Variants in BEGAIN observed in about 807,000 individuals in gnomAD.
BEGAIN encodes brain-enriched guanylate kinase-associated protein.
A neutral mutation model predicts 35.8 loss-of-function variants in BEGAIN; 19 were observed. The observed-to-expected ratio is 0.53, with a 90% CI of 0.37 to 0.78. The LOEUF is 0.78. BEGAIN is among the 30% of genes least tolerant of loss of function. The probability of loss-of-function intolerance (pLI) is 0.00; values close to 1 mark genes in which losing one functional copy is unlikely to be tolerated. For synonymous variants in BEGAIN, 462 were observed against 388.6 expected, an observed-to-expected ratio of 1.19 and a Z score of -2.22; for missense variants, 795 against 853.6, an observed-to-expected ratio of 0.93 and a Z score of 0.85.
chr14:100,574,810 G>C (rs1221002376), intron 1 of BEGAIN, among the ~76,000 whole-genome samples: 3 of 152,192 alleles, frequency 2.0e-5, no homozygotes, highest in African/African-American at 7.2e-5. Context: ...CAGCCGGAAA[G>C]CCTCTCAGAC....
rs997403481 is a variant in BEGAIN at position 100,552,960 on chromosome 14, A to T, written c.72-6298T>A. Among the ~76,000 whole-genome samples the T allele has an allele frequency of 4.0e-5, 6 of 151,232 alleles. 1 individual carries two copies. The highest frequency in any genetic ancestry group is 1.5e-4 in the African/African-American group (6 of 41,078). On this transcript the variant is annotated intron_variant, in intron 2 of 6. Coordinates refer to ENST00000554140, the MANE Select transcript of BEGAIN (RefSeq NM_001385089.1). ...TGGACATGGGTGTAGTCACGTGGGG[A>T]GCAGCTGCCACCTGGGCCCTGTGTG... is the stretch of plus-strand genomic sequence containing the variant.
At chr14:100,546,979 T>C (rs927140816) in intron 2 of BEGAIN, 2 of 242,046 alleles carry the variant, frequency 8.3e-6, no homozygotes, top group Non-Finnish European at 1.6e-5. Context: ...CCCCAGAACC[T>C]GGCCAGTGTG....
Position 100,575,016 on chromosome 14 carries a change from A to G in BEGAIN, c.43-7077T>C, listed in dbSNP as rs56397574. Among the ~76,000 whole-genome samples the G allele has an allele frequency of 7.6e-3, 1,150 of 152,278 alleles. 12 individuals carry two copies. Among genetic ancestry groups the G allele is most frequent in the Admixed American group, 0.013 (199 of 15,300 alleles). ...TAACCGGCGGTCCTAGAGACCTTCT[A>G]CAGTAGCCTCTTGTTTGCTGACCAG... On this transcript the variant is annotated intron_variant, in intron 1 of 6. Coordinates refer to ENST00000554140, the MANE Select transcript of BEGAIN (RefSeq NM_001385089.1).
In BEGAIN at chr14:100,563,051, G is replaced by A. The variant is rs1023043079; in HGVS notation, c.71+4860C>T. On this transcript the variant is annotated intron_variant, in intron 2 of 6. Coordinates refer to ENST00000554140, the MANE Select transcript of BEGAIN (RefSeq NM_001385089.1). The surrounding 1 kb of genome is among the most constrained non-coding windows in gnomAD (Gnocchi z 4.2). ...CTTTGAGGGGGGGCGTGGAGGGGCA[G>A]GGCAGGACAGGGTCAGGACCTTCGA... 6.6e-6 allele frequency among the ~76,000 whole-genome samples: 1 copy of A among 152,196 alleles called. No individual in the cohort carries two copies. The highest frequency in any genetic ancestry group is 2.4e-5 in the African/African-American group (1 of 41,448).
In BEGAIN at chr14:100,537,675, A is replaced by C; in HGVS notation, c.*294T>G. On this transcript the variant is annotated 3_prime_UTR_variant, in exon 7 of 7. Transcript: ENST00000554140. ...GCGTTAAGAAAGACCCTTTTTCTCT[A>C]TAAAAATAGTTTCGCTTTATAAAAG... 2.5e-6 allele frequency: 1 copy of C among 396,122 alleles called. No homozygotes were observed. The highest frequency in any genetic ancestry group is 4.5e-6 in the Non-Finnish European group (1 of 222,970). 24.5% of individuals were successfully genotyped at this position (396,122 alleles called of 1,614,324 possible). A position where few individuals can be genotyped will look rare whatever the true frequency, so the allele number is the denominator to read the frequency against.
chr14:100,543,885 C>A lies in BEGAIN; in HGVS notation c.381G>T (p.Val127=). The change falls in exon 5 of 7, where the codon GTG becomes GTT. Residue 127 remains valine, a synonymous_variant. Transcript: ENST00000554140. ...TGTCCTCTGACAGCTTGTCGATGGT[C>A]ACCTTGGCTTCTAGCAGATGGCTGT... is the stretch of plus-strand genomic sequence containing the variant. The part of the protein sequence containing the change: ...ALNSHLLEAK[V]TIDKLSEDNE... The A allele has an allele frequency of 6.2e-7, 1 of 1,613,662 alleles. No homozygotes were observed. Among genetic ancestry groups the A allele is most frequent in the Non-Finnish European group, 8.5e-7 (1 of 1,179,892 alleles).
At position 100,586,535 on chromosome 14, in the gene BEGAIN, C is replaced by T. The variant is rs1366907730; in HGVS notation, c.42+714G>A. ...GGGGCACAGACGAGGAAGGAAACACCTCTAAACCAAGCAGGAAGCGGAAAC... is the reference window on the plus strand; with the variant it reads ...GGGGCACAGACGAGGAAGGAAACACTTCTAAACCAAGCAGGAAGCGGAAAC... On this transcript the variant is annotated intron_variant, in intron 1 of 6. Transcript: ENST00000554140. This position sits in a 1 kb window ranked among gnomAD's most constrained non-coding sequence, Gnocchi z 4.9. Among the ~76,000 whole-genome samples the T allele has an allele frequency of 2.6e-5, 4 of 152,150 alleles. No homozygotes were observed. Among genetic ancestry groups the T allele is most frequent in the Non-Finnish European group, 4.4e-5 (3 of 68,024 alleles).
chr14:100,556,621 C>T (rs1270280509), intron 2 of BEGAIN, among the ~76,000 whole-genome samples: 1 of 152,220 alleles, frequency 6.6e-6, no homozygotes, highest in Admixed American at 6.5e-5. Context: ...TCCATCCTCA[C>T]CCCAGCCCTA....
Position 100,568,670 on chromosome 14 carries a change from G to C in BEGAIN, c.43-731C>G, listed in dbSNP as rs917758749. ...CCGCTCAGCCGGGCAGCCCCTCCGC[G>C]CGCCGGGCAGGGGGACCCACCCGCC... On this transcript the variant is annotated intron_variant, in intron 1 of 6. Transcript: ENST00000554140. This position sits in a 1 kb window ranked among gnomAD's most constrained non-coding sequence, Gnocchi z 7.5. Among the ~76,000 whole-genome samples the C allele has an allele frequency of 2.0e-5, 3 of 151,876 alleles. No homozygotes were observed. Among genetic ancestry groups the C allele is most frequent in the Non-Finnish European group, 1.5e-5 (1 of 67,920 alleles).
At chr14:100,545,169 T>G in intron 3 of BEGAIN, 103 bp from the exon 4 acceptor site, 2 of 1,581,632 alleles carry the variant, frequency 1.3e-6, no homozygotes, top group Non-Finnish European at 1.7e-6. Context: ...AATTTGGACC[T>G]CCTGAGCTCA....
chr14:100,572,056 G>T (rs764095930), intron 1 of BEGAIN, among the ~76,000 whole-genome samples: 8 of 152,180 alleles, frequency 5.3e-5, no homozygotes, highest in South Asian at 2.1e-4. Flanking sequence ...AGAGGCACCT[G>T]CTCCTCAGCC....
At chr14:100,557,151 G>A (rs1015038290) in intron 2 of BEGAIN, among the ~76,000 whole-genome samples, 7 of 148,894 alleles carry the variant, frequency 4.7e-5, no homozygotes, top group Admixed American at 4.6e-4. Context: ...AGCCACACCC[G>A]AGTCAGGGCG....
chr14:100,540,687 G>A, intron 5 of BEGAIN, 108 bp from the exon 6 acceptor site: 1 of 781,242 alleles, frequency 1.3e-6, no homozygotes, highest in Non-Finnish European at 2.1e-6. Context: ...AGGGCCTGCT[G>A]TGCGCTCAGC....
At chr14:100,540,158 G>T (rs2031372291) in intron 6 of BEGAIN, 2 of 292,142 alleles carry the variant, frequency 6.8e-6, no homozygotes, top group East Asian at 1.2e-4. Context: ...CCCAGCCACA[G>T]GCTCCTGCGA....
intron 2 of BEGAIN, among the ~76,000 whole-genome samples, chr14:100,550,687 G>A (rs915521868): frequency 6.6e-6 from 1 of 152,158 alleles, no homozygotes; most frequent in Admixed American, 6.5e-5. Flanking sequence ...GCAGGGGTTG[G>A]GGATGTGGGT....
At chr14:100,545,307 G>T in intron 3 of BEGAIN, 1 of 1,349,072 alleles carries the variant, frequency 7.4e-7, no homozygotes, top group African/African-American at 1.5e-5. Flanking sequence ...CCTCCACCCC[G>T]GGACCCCCTG....
chr14:100,573,672 A>G lies in BEGAIN; in HGVS notation c.43-5733T>C, dbSNP rs145360902. 9.5e-3 allele frequency among the ~76,000 whole-genome samples: 1,449 copies of G among 152,152 alleles called. 6 individuals are homozygous for G. The highest frequency in any genetic ancestry group is 0.017 in the Non-Finnish European group (1,163 of 67,970). On this transcript the variant is annotated intron_variant, in intron 1 of 6. Transcript: ENST00000554140. This position sits in a 1 kb window ranked among gnomAD's most constrained non-coding sequence, Gnocchi z 4.2. ...ACAGAAGCATTGTGACCTCATGTTGAGCAGGGGAACATGGGGAATTCAGGG... is the reference window on the plus strand; with the variant it reads ...ACAGAAGCATTGTGACCTCATGTTGGGCAGGGGAACATGGGGAATTCAGGG...
chr14:100,543,777 T>C (rs1334708025), intron 5 of BEGAIN, 81 bp downstream of exon 5: 1 of 1,107,868 alleles, frequency 9.0e-7, no homozygotes, highest in East Asian at 2.5e-5. Context: ...AGAGTCAGAA[T>C]GTGACTCCCA....
intron 1 of BEGAIN, chr14:100,577,269 C>T (rs1003112419): frequency 4.3e-5 from 17 of 398,616 alleles, no homozygotes; most frequent in East Asian, 7.1e-5. Context: ...TGTGGGGAAG[C>T]GGCACATGGG....
Sources: allele counts gnomAD v4.1 joint callset (sites outside exome capture counted in the v4.1 genomes callset), GRCh38; gene constraint gnomAD v4.1.1; non-coding constraint Gnocchi (gnomAD v3.1); transcripts MANE v1.5; gene names NCBI Gene and HGNC (gene_info 2026-07-23, HGNC 2026-07-21).